The following RBFOX1 variants were observed in gnomAD, a reference collection of about 807,000 sequenced individuals.
RBFOX1 encodes the protein RNA binding fox-1 homolog 1.
A neutral mutation model predicts 57.7 loss-of-function variants in RBFOX1; 8 were observed. The ratio of observed to expected loss-of-function variants is 0.14; its 90% CI spans 0.08 to 0.25. The LOEUF is 0.25. Ranked by LOEUF, RBFOX1 falls within the 10% of genes least tolerant of loss-of-function variation. RBFOX1 has a pLI of 1.00. For missense variants in RBFOX1, 611 were observed against 548.5 expected (o/e 1.11, Z -1.14); for synonymous variants, 326 against 222.4 (o/e 1.47, Z -4.15).
intron 3 of RBFOX1, among the ~76,000 whole-genome samples, chr16:7,029,203 CGTATACGTATATATAT>C (rs2042087233): frequency 2.1e-5 from 1 of 47,596 alleles, no homozygotes; most frequent in South Asian, 1.2e-3. Context: ...CATATGTATA[CGTATACGTATATATAT>C]ACACACATAT....
Position 7,518,101 on chromosome 16 carries a change from C to G in RBFOX1, c.28-46C>G, listed in dbSNP as rs375581040. 4 of 1,571,798 alleles carry G rather than the reference C, an allele frequency of 2.5e-6. No individual in the cohort carries two copies. The Admixed American group carries it at 5.3e-5, about 21-fold the overall frequency. On this transcript the variant is annotated intron_variant, in intron 4 of 15. Coordinates refer to ENST00000550418, the MANE Select transcript of RBFOX1 (RefSeq NM_018723.4). ...TGGGAGGAAGGTTTCTGCATGGTGG[C>G]TCCTCATGACGTTCTCTCCCTCTCT...
intron 4 of RBFOX1, among the ~76,000 whole-genome samples, chr16:7,276,187 A>G (rs2095436724): frequency 6.6e-6 from 1 of 152,234 alleles, no homozygotes; most frequent in Admixed American, 6.5e-5. Context: ...CCAAGTCTGA[A>G]GTGAAGCTGC....
intron 2 of RBFOX1, among the ~76,000 whole-genome samples, chr16:5,586,838 G>A (rs1326543432): frequency 6.6e-6 from 1 of 152,208 alleles, no homozygotes; most frequent in Non-Finnish European, 1.5e-5. Context: ...GTGAGGAGCT[G>A]AGGTAGCATT....
chr16:6,250,392 A>G (rs531813876), intron 1 of RBFOX1, among the ~76,000 whole-genome samples: 4 of 152,244 alleles, frequency 2.6e-5, no homozygotes, highest in East Asian at 3.9e-4. Flanking sequence ...TCCTCTTGAC[A>G]TTGCAATGTT....
chr16:7,199,975 T>G (rs553910142), intron 4 of RBFOX1, among the ~76,000 whole-genome samples: 2 of 152,338 alleles, frequency 1.3e-5, no homozygotes, highest in South Asian at 4.1e-4. Context: ...GGGAACACTT[T>G]TGTAATCTCA....
intron 3 of RBFOX1, among the ~76,000 whole-genome samples, chr16:5,751,609 T>C (rs1374242486): frequency 6.6e-6 from 1 of 152,142 alleles, no homozygotes; most frequent in African/African-American, 2.4e-5. Context: ...ACACAGATAC[T>C]GGAGAGCAGA....
At chr16:5,472,658 C>A (rs920814366) in intron 2 of RBFOX1, among the ~76,000 whole-genome samples, 7 of 152,150 alleles carry the variant, frequency 4.6e-5, no homozygotes, top group African/African-American at 1.7e-4. Context: ...CTCCTTTCAT[C>A]AGCTGTTTGT....
chr16:7,083,848 C>A (rs993339845), intron 4 of RBFOX1, among the ~76,000 whole-genome samples: 1 of 152,056 alleles, frequency 6.6e-6, no homozygotes, highest in Non-Finnish European at 1.5e-5. Flanking sequence ...CTTGGTGGCT[C>A]CCTTGGTTCT....
intron 5 of RBFOX1, among the ~76,000 whole-genome samples, chr16:7,571,708 C>T (rs143452752): frequency 6.6e-6 from 1 of 152,160 alleles, no homozygotes; most frequent in Non-Finnish European, 1.5e-5. Flanking sequence ...ATCAGGGAAG[C>T]TCTGCCAAGT....
At chr16:6,733,289 G>C (rs1334135460) in intron 3 of RBFOX1, among the ~76,000 whole-genome samples, 2 of 152,034 alleles carry the variant, frequency 1.3e-5, no homozygotes, top group African/African-American at 4.8e-5. Context: ...AATATGACTT[G>C]GGATGATAGA....
chr16:7,251,160 C>T (rs1008736929), intron 4 of RBFOX1, among the ~76,000 whole-genome samples: 7 of 152,082 alleles, frequency 4.6e-5, no homozygotes, highest in Admixed American at 3.9e-4. Flanking sequence ...ATCTCCCCAA[C>T]CCTCACCAAC....
rs572193368 is a variant in RBFOX1 at position 7,037,065 on chromosome 16, C to G, written c.-15-14992C>G. Among the ~76,000 whole-genome samples the G allele has an allele frequency of 3.3e-5, 5 of 152,220 alleles. No individual in the cohort carries two copies. The South Asian group carries it at 1.0e-3, about 32-fold the overall frequency. ...GAGGACAACCAGAGGTCACCTTCGT[C>G]ACCATCTTGGTTTTGGTGGGTTTTG... is the stretch of plus-strand genomic sequence containing the variant. On this transcript the variant is annotated intron_variant, in intron 3 of 15. Transcript: ENST00000550418.
At chr16:6,436,077 T>C (rs1303135172) in intron 2 of RBFOX1, among the ~76,000 whole-genome samples, 1 of 152,182 alleles carries the variant, frequency 6.6e-6, no homozygotes, top group Non-Finnish European at 1.5e-5. Flanking sequence ...CTCTGGCTCC[T>C]GGAAACAGAA....
rs71142677 is a variant in RBFOX1, at chr16:6,082,347, A to ATTTTTTTTTTTTTT, written c.-127+62370_-127+62383dup. ...ATGTGCCTGTCACCACACCTGGCTA[A>ATTTTTTTTTTTTTT]TTTTTTTTTTTTTTTTTTTTTTTTT... On this transcript the variant is annotated intron_variant, in intron 1 of 15. Transcript: ENST00000550418. 5.8e-4 allele frequency among the ~76,000 whole-genome samples: 24 copies of ATTTTTTTTTTTTTT among 41,042 alleles called. 1 individual carries two copies. Among genetic ancestry groups the ATTTTTTTTTTTTTT allele is most frequent in the South Asian group, 1.5e-3 (1 of 684 alleles). The allele number at this position is 41,042 out of a possible 152,430, so 26.9% of individuals were successfully genotyped here. A position where few individuals can be genotyped will look rare whatever the true frequency, so the allele number is the denominator to read the frequency against.
chr16:6,599,614 T>G (rs1187634913), intron 2 of RBFOX1, among the ~76,000 whole-genome samples: 2 of 152,170 alleles, frequency 1.3e-5, no homozygotes, highest in Non-Finnish European at 2.9e-5. Context: ...TAAATCAGGC[T>G]AATCTTTTTA....
At chr16:6,688,691 A>C (rs1026330448) in intron 3 of RBFOX1, among the ~76,000 whole-genome samples, 8 of 152,116 alleles carry the variant, frequency 5.3e-5, no homozygotes, top group African/African-American at 1.9e-4. Flanking sequence ...CAGCATGTGC[A>C]GGTTTGTTAC....
At chr16:7,316,831 A>T (rs1257542952) in intron 4 of RBFOX1, among the ~76,000 whole-genome samples, 3 of 151,968 alleles carry the variant, frequency 2.0e-5, no homozygotes, top group Non-Finnish European at 4.4e-5. Flanking sequence ...TGTCTTTAAG[A>T]TGCTGGAAAA....
chr16:5,585,470 A>T (rs976513855), intron 2 of RBFOX1, among the ~76,000 whole-genome samples: 1 of 152,162 alleles, frequency 6.6e-6, no homozygotes, highest in Non-Finnish European at 1.5e-5. Flanking sequence ...ACTTGTAGAC[A>T]TGTGCCGTGG....
At chr16:5,553,669 C>CACATATATATGTA (rs1567223458) in intron 2 of RBFOX1, among the ~76,000 whole-genome samples, 2 of 139,880 alleles carry the variant, frequency 1.4e-5, no homozygotes, top group African/African-American at 2.8e-5. Context: ...ATAGAATGTT[C>CACATATATATGTA]TATATATGTG....
Sources: allele counts gnomAD v4.1 joint callset (sites outside exome capture counted in the v4.1 genomes callset), GRCh38; gene constraint gnomAD v4.1.1; transcripts MANE v1.5; gene names NCBI Gene and HGNC (gene_info 2026-07-23, HGNC 2026-07-21).